The following SIPA1L1 variants were observed in gnomAD, a reference collection of about 807,000 sequenced individuals.
The protein encoded by SIPA1L1 is signal-induced proliferation-associated 1-like protein 1.
A neutral mutation model predicts 162.7 loss-of-function variants in SIPA1L1; 26 were observed. The observed-to-expected ratio is 0.16, with a 90% CI of 0.12 to 0.22. SIPA1L1 has a LOEUF of 0.22. SIPA1L1 is among the 10% of genes least tolerant of loss of function. The pLI, the probability that SIPA1L1 is intolerant of heterozygous loss-of-function variation, is 1.00. For missense variants in SIPA1L1, 1,874 were observed against 2,241.0 expected (o/e 0.84, Z 3.31); for synonymous variants, 829 against 837.4 (o/e 0.99, Z 0.17).
At chr14:71,362,168 A>G (rs935891052) in intron 2 of SIPA1L1, among the ~76,000 whole-genome samples, 8 of 152,216 alleles carry the variant, frequency 5.3e-5, no homozygotes, top group African/African-American at 1.9e-4. Context: ...TTCGTACTTG[A>G]GAGATGAGTT....
chr14:71,473,173 A>G (rs1316607256), intron 2 of SIPA1L1, among the ~76,000 whole-genome samples: 1 of 152,194 alleles, frequency 6.6e-6, no homozygotes, highest in Non-Finnish European at 1.5e-5. Flanking sequence ...AAAACAGTAC[A>G]CATTACTTTC....
chr14:71,390,448 A>C (rs1249591469), intron 2 of SIPA1L1, among the ~76,000 whole-genome samples: 5 of 152,196 alleles, frequency 3.3e-5, no homozygotes, highest in Non-Finnish European at 7.3e-5. Flanking sequence ...CTTCAAAAAC[A>C]TGGTTTTTAT....
chr14:71,442,188 A>G (rs1364930963), intron 2 of SIPA1L1, among the ~76,000 whole-genome samples: 3 of 150,990 alleles, frequency 2.0e-5, no homozygotes, highest in Non-Finnish European at 3.0e-5. Context: ...AAAAAAAAAA[A>G]AAAAAAAAAA....
intron 2 of SIPA1L1, among the ~76,000 whole-genome samples, chr14:71,329,658 A>AT (rs1400348051): frequency 2.6e-5 from 4 of 152,204 alleles, no homozygotes; most frequent in African/African-American, 9.7e-5. Flanking sequence ...GCAAGGTAGT[A>AT]TCTCATTATG....
At chr14:71,439,353 AAAAGGTAGGTGGAGCATTCT>A (rs1455492959) in intron 2 of SIPA1L1, among the ~76,000 whole-genome samples, 42 of 152,320 alleles carry the variant, frequency 2.8e-4, no homozygotes, top group African/African-American at 9.6e-4. Context: ...CCTTGCAAGG[AAAAGGTAGGTGGAGCATTCT>A]GTGTTTGTCA....
chr14:71,668,138 T>C (rs1449737783), intron 10 of SIPA1L1, among the ~76,000 whole-genome samples: 1 of 152,218 alleles, frequency 6.6e-6, no homozygotes, highest in African/African-American at 2.4e-5. Flanking sequence ...CACTTGTTAT[T>C]TCATTCAAGC....
chr14:71,570,846 G>A (rs1209194183), intron 4 of SIPA1L1, among the ~76,000 whole-genome samples: 2 of 152,128 alleles, frequency 1.3e-5, no homozygotes, highest in African/African-American at 4.8e-5. Flanking sequence ...GGGTGCAGTG[G>A]CACCATCTCG....
At chr14:71,328,813 A>G (rs986979182) in intron 2 of SIPA1L1, among the ~76,000 whole-genome samples, 1 of 152,222 alleles carries the variant, frequency 6.6e-6, no homozygotes, top group Non-Finnish European at 1.5e-5. Flanking sequence ...TGACCATTTC[A>G]ACCATTTTTA....
At chr14:71,735,561 A>G (rs1295489233) in intron 22 of SIPA1L1, 170 bp downstream of exon 22, 1 of 529,044 alleles carries the variant, frequency 1.9e-6, no homozygotes, top group African/African-American at 1.9e-5. Context: ...AATACTGTAG[A>G]CATAATTAAA....
intron 2 of SIPA1L1, among the ~76,000 whole-genome samples, chr14:71,366,820 A>G (rs1275088561): frequency 6.6e-6 from 1 of 152,208 alleles, no homozygotes; most frequent in South Asian, 2.1e-4. Context: ...TGTGGGGATC[A>G]AGTTAAGTAA....
At position 71,589,189 on chromosome 14, in the gene SIPA1L1, T is replaced by C; in HGVS notation, c.1317T>C (p.Phe439=). Residue 439 remains phenylalanine (F), a synonymous_variant, in exon 5 of 24, where the codon TTT becomes TTC. Transcript: ENST00000381232. ...TTTCAAAATCAAATTCTGGCTCCTT[T>C]AGTGGATGTGAAAGTGCCTCCTTTG... The part of the protein sequence containing the change: ...ISLSKSNSGS[F]SGCESASFES... 1 of 1,614,092 alleles carries C rather than the reference T, an allele frequency of 6.2e-7. No homozygotes were observed.
Position 71,702,512 on chromosome 14 carries a change from A to G in SIPA1L1, c.3646+7A>G, listed in dbSNP as rs747987777. The G allele has an allele frequency of 6.2e-7, 1 of 1,613,218 alleles. No individual in the cohort carries two copies. The highest frequency in any genetic ancestry group is 8.5e-7 in the Non-Finnish European group (1 of 1,179,516). On this transcript the variant is annotated splice_region_variant and intron_variant, in intron 15 of 23. Transcript: ENST00000381232. ...AGCATTGCTGACCAGATGGGTAAGT[A>G]ATCAATTTCTACAAGAAGAAAGTTG...
intron 2 of SIPA1L1, among the ~76,000 whole-genome samples, chr14:71,344,350 A>C (rs2035944956): frequency 6.6e-6 from 1 of 152,204 alleles, no homozygotes; most frequent in African/African-American, 2.4e-5. Context: ...ACTCAAGGTT[A>C]TTATAAAGAT....
intron 15 of SIPA1L1, chr14:71,704,735 G>A (rs777713044): frequency 6.2e-7 from 1 of 1,612,564 alleles, no homozygotes; most frequent in Non-Finnish European, 8.5e-7. Context: ...CAGTTATAGA[G>A]GACCTCAGGA....
In SIPA1L1 at chr14:71,409,292, A is replaced by G. The variant is rs116253989; in HGVS notation, c.-465+88111A>G. On this transcript the variant is annotated intron_variant, in intron 2 of 23. Transcript: ENST00000381232. ...TGATGGGATGTGGGTGTGGGGTTGA[A>G]GATTTTTTTTCCGTGGTGTGGCTAG... Among the ~76,000 whole-genome samples, 737 of 152,162 alleles carry G rather than the reference A, an allele frequency of 4.8e-3. 11 individuals carry two copies. The highest frequency in any genetic ancestry group is 0.017 in the African/African-American group (695 of 41,516).
chr14:71,654,452 A>T (rs2042891209), intron 8 of SIPA1L1, among the ~76,000 whole-genome samples: 1 of 152,156 alleles, frequency 6.6e-6, no homozygotes, highest in Non-Finnish European at 1.5e-5. Context: ...TTCCTGACTG[A>T]GGCTTGTTTG....
At chr14:71,539,302 T>A (rs977991991) in intron 4 of SIPA1L1, among the ~76,000 whole-genome samples, 3 of 152,226 alleles carry the variant, frequency 2.0e-5, no homozygotes, top group Non-Finnish European at 4.4e-5. Context: ...TCTTTGCTTG[T>A]GTGGCCTAGT....
chr14:71,537,979 T>C (rs957844166), intron 4 of SIPA1L1, among the ~76,000 whole-genome samples: 15 of 152,184 alleles, frequency 9.9e-5, no homozygotes, highest in African/African-American at 3.4e-4. Context: ...CAGTGTTTGT[T>C]TTTATAATGC....
At chr14:71,396,968 G>A (rs1184664791) in intron 2 of SIPA1L1, among the ~76,000 whole-genome samples, 1 of 152,138 alleles carries the variant, frequency 6.6e-6, no homozygotes, top group Non-Finnish European at 1.5e-5. Flanking sequence ...ATTATTTACT[G>A]ACGTTTTTTA....
Sources: gnomAD v4.1 joint callset for allele counts (sites outside exome capture counted in the v4.1 genomes callset) on GRCh38, gnomAD v4.1.1 for gene constraint, MANE v1.5 for transcripts, NCBI Gene and HGNC (gene_info 2026-07-23, HGNC 2026-07-21) for gene names.